Variants in DOCK1 observed in about 807,000 individuals in gnomAD.
DOCK1 encodes dedicator of cytokinesis protein 1.
DOCK1 carries 138 observed loss-of-function variants against 262.7 expected under a neutral mutation model. That is an observed-to-expected ratio of 0.53 (90% CI 0.46 to 0.61). DOCK1 has a LOEUF of 0.61. Ranked by LOEUF, DOCK1 falls within the 20% of genes least tolerant of loss-of-function variation. DOCK1 has a pLI of 0.00. For synonymous variants in DOCK1, 866 were observed against 867.4 expected (o/e 1.00, Z 0.03); for missense variants, 1,908 against 2,370.7 (o/e 0.80, Z 4.05).
intron 1 of DOCK1, among the ~76,000 whole-genome samples, chr10:126,959,158 C>G (rs2036989750): frequency 6.6e-6 from 1 of 152,040 alleles, no homozygotes; most frequent in Non-Finnish European, 1.5e-5. Context: ...TTGTGGAGAC[C>G]AATGTTCTTT....
At position 127,399,184 on chromosome 10, in the gene DOCK1, A is replaced by T. The variant is rs141424120; in HGVS notation, c.3928-3871A>T. ...ATTGGATTAAGGATTTCGCATCAGAAAATAAAGCTTTCTGCTGATATGGGG... is the reference window on the plus strand; with the variant it reads ...ATTGGATTAAGGATTTCGCATCAGATAATAAAGCTTTCTGCTGATATGGGG... On this transcript the variant is annotated intron_variant, in intron 38 of 51. Coordinates refer to ENST00000623213, the MANE Select transcript of DOCK1 (RefSeq NM_001290223.2). 1.1e-3 allele frequency among the ~76,000 whole-genome samples: 160 copies of T among 152,328 alleles called. 1 individual carries two copies. The East Asian group carries it at 0.019, about 18-fold the overall frequency.
intron 14 of DOCK1, among the ~76,000 whole-genome samples, chr10:127,023,542 CT>C (rs10652401): frequency 1.5e-3 from 188 of 124,364 alleles, no homozygotes; most frequent in African/African-American, 3.2e-3. Flanking sequence ...TCCCTGTGGT[CT>C]TTTTTTTTTT....
chr10:127,382,261 G>A (rs2065867915), intron 37 of DOCK1, among the ~76,000 whole-genome samples: 1 of 152,206 alleles, frequency 6.6e-6, no homozygotes, highest in Non-Finnish European at 1.5e-5. Flanking sequence ...TGGGCATTCA[G>A]TAGTGTCAAT....
intron 21 of DOCK1, among the ~76,000 whole-genome samples, chr10:127,048,224 T>G (rs1242387932): frequency 6.6e-6 from 1 of 152,226 alleles, no homozygotes; most frequent in African/African-American, 2.4e-5. Context: ...ATTATATCTC[T>G]TGGTGATTTT....
Position 127,288,474 on chromosome 10 carries a change from T to C in DOCK1, c.3044+31045T>C, listed in dbSNP as rs74452395. Among the ~76,000 whole-genome samples the C allele has an allele frequency of 8.6e-3, 1,304 of 152,196 alleles. 34 individuals carry two copies. In the East Asian group the frequency reaches 0.1, roughly 12 times the overall value. On this transcript the variant is annotated intron_variant, in intron 29 of 51. Coordinates refer to ENST00000623213, the MANE Select transcript of DOCK1 (RefSeq NM_001290223.2). ...GTGGGCAGAGCTAGGAAATACATTT[T>C]CTTTTTTTTAATTCTCTTTTCCCTG...
Position 126,920,263 on chromosome 10 carries a change from G to A in DOCK1, c.46+14700G>A, listed in dbSNP as rs150790143. 2.8e-3 allele frequency among the ~76,000 whole-genome samples: 434 copies of A among 152,312 alleles called. 2 individuals carry two copies. Among genetic ancestry groups the A allele is most frequent in the African/African-American group, 9.8e-3 (407 of 41,558 alleles). On this transcript the variant is annotated intron_variant, in intron 1 of 51. Coordinates refer to ENST00000623213, the MANE Select transcript of DOCK1 (RefSeq NM_001290223.2). ...ATTTCCCCCATTGACATTGCTACAA[G>A]GCAATTAAATTAAATTAAAGTTCCT...
chr10:127,206,369 C>G (rs2057724400), intron 27 of DOCK1, among the ~76,000 whole-genome samples: 1 of 152,100 alleles, frequency 6.6e-6, no homozygotes, highest in African/African-American at 2.4e-5. Context: ...GTCTCAAACT[C>G]GTGACCTCAA....
intron 29 of DOCK1, among the ~76,000 whole-genome samples, chr10:127,328,672 G>A (rs749406944): frequency 6.6e-6 from 1 of 152,154 alleles, no homozygotes; most frequent in Non-Finnish European, 1.5e-5. Flanking sequence ...CGAGGTCTCT[G>A]GTTGTCGTGA....
At chr10:127,428,887 G>C (rs879325039) in intron 47 of DOCK1, among the ~76,000 whole-genome samples, 29 of 146,370 alleles carry the variant, frequency 2.0e-4, no homozygotes, top group African/African-American at 5.9e-4. Context: ...CATGTGGATT[G>C]GGGTACCGTG....
chr10:127,415,094 G>A (rs2134432852), intron 43 of DOCK1, 58 bp from the exon 44 acceptor site: 7 of 1,518,224 alleles, frequency 4.6e-6, no homozygotes, highest in Non-Finnish European at 6.4e-6. Context: ...TTAGGGCAGA[G>A]CTGTCCACCT....
Position 127,080,870 on chromosome 10 carries a change from C to T in DOCK1, c.2445+19094C>T, listed in dbSNP as rs1591945240. 2.0e-5 allele frequency among the ~76,000 whole-genome samples: 3 copies of T among 152,180 alleles called. No homozygotes were observed. In the South Asian group the frequency reaches 6.2e-4, roughly 32 times the overall value. On this transcript the variant is annotated intron_variant, in intron 23 of 51. Transcript: ENST00000623213. Reference sequence around the variant, plus strand: ...CCACCCTGCAATTTGCCTCTGTACTCTCCGCCCCCCAGTGTGTAGTCGTTA... The same window carrying T: ...CCACCCTGCAATTTGCCTCTGTACTTTCCGCCCCCCAGTGTGTAGTCGTTA...
chr10:127,096,436 A>AT (rs1262594913), intron 23 of DOCK1, among the ~76,000 whole-genome samples: 2 of 152,176 alleles, frequency 1.3e-5, no homozygotes, highest in African/African-American at 4.8e-5. Context: ...TTTGTGGACC[A>AT]TATATATTTT....
intron 27 of DOCK1, among the ~76,000 whole-genome samples, chr10:127,168,532 T>A (rs529224068): frequency 1.8e-4 from 28 of 152,350 alleles, no homozygotes; most frequent in Admixed American, 1.4e-3. Flanking sequence ...CAAGATCATT[T>A]TCAGGACTGC....
In DOCK1 at chr10:127,106,862, C is replaced by T. The variant is rs150410144; in HGVS notation, c.2516+561C>T. On this transcript the variant is annotated intron_variant, in intron 24 of 51. Transcript: ENST00000623213. The stretch of plus-strand genomic sequence containing the variant: ...CCTTCCTTTTCTCTCCCTAACTTGC[C>T]GCCTCTCAGTGGCCAGGTGTGCTGT... Among the ~76,000 whole-genome samples the T allele has an allele frequency of 8.1e-4, 124 of 152,198 alleles. 1 individual carries two copies. The highest frequency in any genetic ancestry group is 2.2e-3 in the African/African-American group (90 of 41,524).
At chr10:127,355,046 A>G (rs1017523017) in intron 32 of DOCK1, among the ~76,000 whole-genome samples, 1 of 152,078 alleles carries the variant, frequency 6.6e-6, no homozygotes, top group African/African-American at 2.4e-5. Flanking sequence ...TTCTGCGTCA[A>G]ATAGGAAGCT....
chr10:127,037,077 A>G (rs1250573539), intron 18 of DOCK1, among the ~76,000 whole-genome samples: 1 of 152,114 alleles, frequency 6.6e-6, no homozygotes, highest in Non-Finnish European at 1.5e-5. Flanking sequence ...AAAAACCAGT[A>G]TATTCATTCC....
intron 16 of DOCK1, among the ~76,000 whole-genome samples, chr10:127,029,346 C>G (rs1436720876): frequency 6.6e-6 from 1 of 152,238 alleles, no homozygotes; most frequent in African/African-American, 2.4e-5. Flanking sequence ...TCCCCACTTG[C>G]TACCCTGAAG....
chr10:126,913,222 C>A (rs1385989855), intron 1 of DOCK1, among the ~76,000 whole-genome samples: 1 of 152,194 alleles, frequency 6.6e-6, no homozygotes, highest in East Asian at 1.9e-4. Context: ...CTGAGCTCAA[C>A]CTACCTGGGC....
At chr10:127,389,351 A>G (rs1317875975) in intron 38 of DOCK1, among the ~76,000 whole-genome samples, 1 of 152,222 alleles carries the variant, frequency 6.6e-6, no homozygotes, top group Admixed American at 6.5e-5. Flanking sequence ...TCCTAAATGC[A>G]GTGGAATGAC....
Sources: allele counts gnomAD v4.1 joint callset (sites outside exome capture counted in the v4.1 genomes callset), GRCh38; gene constraint gnomAD v4.1.1; transcripts MANE v1.5; gene names NCBI Gene and HGNC (gene_info 2026-07-23, HGNC 2026-07-21).